TRAF2: variants seen among roughly 807,000 people sequenced by gnomAD.
TRAF2 encodes the protein TNF receptor associated factor 2.
TRAF2 carries 6 observed loss-of-function variants against 55.6 expected under a neutral mutation model. The observed-to-expected ratio is 0.11, with a 90% CI of 0.06 to 0.21. The LOEUF is 0.21. Among genes scored for constraint, TRAF2 ranks in the 10% least tolerant of loss-of-function variants. The pLI, the probability that TRAF2 is intolerant of heterozygous loss-of-function variation, is 1.00. For missense variants in TRAF2, 561 were observed against 684.5 expected (o/e 0.82, Z 2.01); for synonymous variants, 329 against 276.3 (o/e 1.19, Z -1.89).
intron 4 of TRAF2, among the ~76,000 whole-genome samples, chr9:136,902,568 G>A (rs1849846451): frequency 6.6e-6 from 1 of 152,202 alleles, no homozygotes; most frequent in South Asian, 2.1e-4. Context: ...CACGCAGGGT[G>A]GAAAGTCCCT....
chr9:136,920,206 C>T (rs775291746), intron 7 of TRAF2, 28 bp from the exon 8 acceptor site: 2 of 1,579,962 alleles, frequency 1.3e-6, no homozygotes, highest in Admixed American at 1.7e-5. Context: ...TGGATGGAGC[C>T]AGCAGCCTCC....
At chr9:136,882,960 T>C (rs1315919488), upstream of TRAF2, among the ~76,000 whole-genome samples, 1 of 152,232 alleles carries the variant, frequency 6.6e-6, no homozygotes, top group Non-Finnish European at 1.5e-5. Context: ...AACCTCCGCC[T>C]CGCAGGTTCA....
At chr9:136,925,376 A>G (rs1268049326) in intron 10 of TRAF2, among the ~76,000 whole-genome samples, 2 of 152,180 alleles carry the variant, frequency 1.3e-5, no homozygotes, top group Admixed American at 6.5e-5. Flanking sequence ...CATTTTCCTA[A>G]TAATAATTCA....
intron 6 of TRAF2, among the ~76,000 whole-genome samples, chr9:136,911,297 T>A (rs1850100693): frequency 6.9e-6 from 1 of 145,854 alleles, no homozygotes; most frequent in African/African-American, 2.6e-5. Context: ...AGACAGAGTT[T>A]CGCTCTTGTT....
At chr9:136,887,990 C>A (rs995807721) in intron 1 of TRAF2, among the ~76,000 whole-genome samples, 2 of 152,054 alleles carry the variant, frequency 1.3e-5, no homozygotes, top group African/African-American at 2.4e-5. Flanking sequence ...CTGCCTCAGC[C>A]TCCCGAGCAG....
intron 5 of TRAF2, 71 bp from the exon 6 acceptor site, chr9:136,909,849 A>G: frequency 6.6e-7 from 1 of 1,519,104 alleles, no homozygotes; most frequent in Admixed American, 1.7e-5. Context: ...CAGCCTGAGC[A>G]CTGTGTGCCG....
chr9:136,899,319 G>T (rs529247359), intron 2 of TRAF2, among the ~76,000 whole-genome samples: 46 of 152,332 alleles, frequency 3.0e-4, no homozygotes, highest in African/African-American at 1.1e-3. Flanking sequence ...GCAGCAGCTC[G>T]GCCTGTCGGG....
At chr9:136,914,062 C>T (rs530466038) in intron 6 of TRAF2, among the ~76,000 whole-genome samples, 7 of 152,296 alleles carry the variant, frequency 4.6e-5, no homozygotes, top group East Asian at 1.9e-4. Context: ...GGTGTTTGCC[C>T]CTTCATGGTG....
chr9:136,925,651 C>A, intron 10 of TRAF2, 32 bp from the exon 11 acceptor site: 1 of 1,608,534 alleles, frequency 6.2e-7, no homozygotes. Context: ...GCCCACAGAC[C>A]TGTGTCCCCT....
intron 1 of TRAF2, among the ~76,000 whole-genome samples, chr9:136,890,738 T>C (rs1380041165): frequency 1.3e-5 from 2 of 152,214 alleles, no homozygotes; most frequent in African/African-American, 4.8e-5. Flanking sequence ...CAGAGTGTAG[T>C]GTGGGCATCA....
At chr9:136,901,575 A>G (rs940835430) in intron 4 of TRAF2, among the ~76,000 whole-genome samples, 15 of 152,228 alleles carry the variant, frequency 9.9e-5, no homozygotes, top group African/African-American at 3.6e-4. Context: ...CCATGGGTAC[A>G]GGAAGTAGAA....
chr9:136,884,688 T>G (rs1490785086), upstream of TRAF2, among the ~76,000 whole-genome samples: 1 of 152,176 alleles, frequency 6.6e-6, no homozygotes, highest in Non-Finnish European at 1.5e-5. Context: ...TTCCAAGCAG[T>G]TGGGACTACA....
Position 136,921,133 on chromosome 9 carries a change from G to A in TRAF2, c.1056G>A (p.Gly352=), listed in dbSNP as rs771257240. The change falls in exon 9 of 11, where the codon GGG becomes GGA. Residue 352 remains glycine, a synonymous_variant. Coordinates refer to ENST00000247668, the MANE Select transcript of TRAF2 (RefSeq NM_021138.4). ...AGATGGAGGCATCCACCTACGATGG[G>A]GTCTTCATCTGGAAGATCTCAGACT... ...VLEMEASTYD[G]VFIWKISDFA... 1 of 1,614,068 alleles carries A rather than the reference G, an allele frequency of 6.2e-7. No homozygotes were observed. The highest frequency in any genetic ancestry group is 2.2e-5 in the East Asian group (1 of 44,882).
upstream of TRAF2, among the ~76,000 whole-genome samples, chr9:136,884,590 T>C (rs1317440883): frequency 6.6e-6 from 1 of 151,950 alleles, no homozygotes; most frequent in African/African-American, 2.4e-5. Context: ...AGGGTCTCAC[T>C]CTATAGCGCA....
chr9:136,909,859 G>A (rs965789768), intron 5 of TRAF2, 61 bp from the exon 6 acceptor site: 37 of 1,568,484 alleles, frequency 2.4e-5, no homozygotes, highest in African/African-American at 5.4e-5. Context: ...ACTGTGTGCC[G>A]CCCTCCACCC....
intron 7 of TRAF2, among the ~76,000 whole-genome samples, chr9:136,919,088 C>G (rs972692837): frequency 1.9e-4 from 7 of 37,726 alleles, no homozygotes; most frequent in Admixed American, 3.9e-4. Context: ...GAAACAGAGT[C>G]TCGCTCTGTT....
intron 6 of TRAF2, among the ~76,000 whole-genome samples, chr9:136,915,250 C>T (rs1417226119): frequency 6.6e-6 from 1 of 152,158 alleles, no homozygotes; most frequent in Non-Finnish European, 1.5e-5. Context: ...AAGGTGCATT[C>T]TGAGACGTCA....
chr9:136,881,997 G>C, upstream of TRAF2: 1 of 985,602 alleles, frequency 1.0e-6, no homozygotes, highest in Non-Finnish European at 1.2e-6. Flanking sequence ...AAAGAGGCAA[G>C]CTCTCGGTGT....
chr9:136,900,587 A>G (rs764010141), intron 4 of TRAF2, 67 bp downstream of exon 4: 7 of 1,307,386 alleles, frequency 5.4e-6, no homozygotes, highest in South Asian at 3.6e-5. Context: ...ACGCTCCCCA[A>G]GCAGTTATGA....
Sources: gnomAD v4.1 joint callset for allele counts (sites outside exome capture counted in the v4.1 genomes callset) on GRCh38, gnomAD v4.1.1 for gene constraint, MANE v1.5 for transcripts, NCBI Gene and HGNC (gene_info 2026-07-23, HGNC 2026-07-21) for gene names.